SLC49A4: variants seen among roughly 807,000 people sequenced by gnomAD.
SLC49A4 encodes solute carrier family 49 member 4.
A neutral mutation model predicts 50.6 loss-of-function variants in SLC49A4; 36 were observed. The observed-to-expected ratio is 0.71, with a 90% confidence interval of 0.55 to 0.94. The LOEUF (loss-of-function observed/expected upper bound fraction) is 0.94, where lower values mean the gene tolerates loss of function less well. Ranked by LOEUF, SLC49A4 falls within the 40% of genes least tolerant of loss-of-function variation. SLC49A4 has a pLI of 0.00. For missense variants in SLC49A4, 503 were observed against 605.7 expected, an observed-to-expected ratio of 0.83 and a Z score of 1.78; for synonymous variants, 248 against 241.2, an observed-to-expected ratio of 1.03 and a Z score of -0.26.
At chr3:122,806,722 C>G in intron 1 of SLC49A4, 135 bp from the exon 2 acceptor site, 8 of 449,066 alleles carry the variant, frequency 1.8e-5, no homozygotes, top group East Asian at 4.7e-5. Flanking sequence ...TTTTTTTTTT[C>G]CATTTTTAAA....
chr3:122,864,081 A>C (rs1201053642), intron 7 of SLC49A4, among the ~76,000 whole-genome samples: 1 of 152,128 alleles, frequency 6.6e-6, no homozygotes, highest in South Asian at 2.1e-4. Flanking sequence ...TTCTATGGCA[A>C]TCTTTCTGTA....
At chr3:122,801,333 G>A (rs979374506) in intron 1 of SLC49A4, among the ~76,000 whole-genome samples, 1 of 152,206 alleles carries the variant, frequency 6.6e-6, no homozygotes, top group Non-Finnish European at 1.5e-5. Flanking sequence ...ATTATGGCCT[G>A]TAATCCCAGC....
intron 4 of SLC49A4, among the ~76,000 whole-genome samples, chr3:122,840,794 T>A (rs965193134): frequency 2.0e-5 from 3 of 152,194 alleles, no homozygotes; most frequent in Non-Finnish European, 4.4e-5. Flanking sequence ...TCTCTTGTAT[T>A]GCACTGTTTA....
intron 4 of SLC49A4, among the ~76,000 whole-genome samples, chr3:122,837,645 G>A (rs964624570): frequency 6.6e-6 from 1 of 152,158 alleles, no homozygotes; most frequent in Non-Finnish European, 1.5e-5. Context: ...CAGGACATAG[G>A]CATGGGCAAG....
In SLC49A4 at chr3:122,862,521, G is replaced by A. The variant is rs571392720; in HGVS notation, c.1138+2319G>A. On this transcript the variant is annotated intron_variant, in intron 7 of 8. Coordinates refer to ENST00000261038, the MANE Select transcript of SLC49A4 (RefSeq NM_032839.3). ...TGGCAAGTATTCTGAGCCAGAGCCA[G>A]AATTTTTTTAAAATTTTATTCTGGT... is the stretch of plus-strand genomic sequence containing the variant. Among the ~76,000 whole-genome samples the A allele has an allele frequency of 1.4e-4, 22 of 152,322 alleles. No individual in the cohort carries two copies. The South Asian group carries it at 4.6e-3, about 32-fold the overall frequency.
At chr3:122,873,303 C>T (rs1470083048) in intron 8 of SLC49A4, among the ~76,000 whole-genome samples, 3 of 152,140 alleles carry the variant, frequency 2.0e-5, no homozygotes, top group African/African-American at 7.2e-5. Flanking sequence ...CCTCAGCCTC[C>T]TGAGTAGCTG....
intron 6 of SLC49A4, among the ~76,000 whole-genome samples, chr3:122,857,633 GT>G (rs1937005666): frequency 6.6e-6 from 1 of 152,122 alleles, no homozygotes; most frequent in Non-Finnish European, 1.5e-5. Flanking sequence ...TATTTGAAGT[GT>G]TAGGAAAATA....
intron 4 of SLC49A4, among the ~76,000 whole-genome samples, chr3:122,839,962 A>G (rs892475944): frequency 6.6e-6 from 1 of 152,198 alleles, no homozygotes; most frequent in Non-Finnish European, 1.5e-5. Flanking sequence ...TACCAACACA[A>G]TTTGCAATTC....
At chr3:122,826,067 T>C (rs1205578469) in intron 2 of SLC49A4, among the ~76,000 whole-genome samples, 1 of 152,170 alleles carries the variant, frequency 6.6e-6, no homozygotes, top group Non-Finnish European at 1.5e-5. Flanking sequence ...ACCTAACAGA[T>C]GCTCCGTAAA....
intron 2 of SLC49A4, among the ~76,000 whole-genome samples, chr3:122,815,811 T>C (rs1246789321): frequency 6.6e-6 from 1 of 152,232 alleles, no homozygotes; most frequent in African/African-American, 2.4e-5. Flanking sequence ...TGACCACACC[T>C]GAAGTGGTTG....
At position 122,881,062 on chromosome 3, in the gene SLC49A4, G is replaced by C. The variant is rs1937333495; in HGVS notation, c.*1684G>C. 6.6e-6 allele frequency: 1 copy of C among 152,024 alleles called. No homozygotes were observed. The highest frequency in any genetic ancestry group is 1.5e-5 in the Non-Finnish European group (1 of 68,002). 9.4% of individuals were successfully genotyped at this position (152,024 alleles called of 1,614,324 possible). ...TGAAGGAACTAAGGAACTTGCTAAAGAGAAGAAGAAAACAAAAGCTAGACT... is the reference window on the plus strand; with the variant it reads ...TGAAGGAACTAAGGAACTTGCTAAACAGAAGAAGAAAACAAAAGCTAGACT... On this transcript the variant is annotated 3_prime_UTR_variant, in exon 9 of 9. Transcript: ENST00000261038.
At chr3:122,849,390 A>G (rs886566379) in intron 5 of SLC49A4, among the ~76,000 whole-genome samples, 4 of 152,120 alleles carry the variant, frequency 2.6e-5, no homozygotes, top group African/African-American at 9.7e-5. Context: ...TTCGTTTTCT[A>G]CGGAACCTCT....
Position 122,824,577 on chromosome 3 carries a change from C to CTCTT in SLC49A4, c.438-2212_438-2209dup, listed in dbSNP as rs769052746. ...TTCTCTTCTCTTCTCTTCTTTCTTT[C>CTCTT]TCTTTCTTTCTTTCCTGTCTTTCCT... is the stretch of plus-strand genomic sequence containing the variant. On this transcript the variant is annotated intron_variant, in intron 2 of 8. Transcript: ENST00000261038. Among the ~76,000 whole-genome samples the CTCTT allele has an allele frequency of 9.9e-5, 15 of 151,848 alleles. 1 individual carries two copies. In the East Asian group the frequency reaches 2.7e-3, roughly 27 times the overall value.
At chr3:122,806,981 T>G (rs539350643) in intron 2 of SLC49A4, 31 bp downstream of exon 2, 1 of 1,319,502 alleles carries the variant, frequency 7.6e-7, no homozygotes, top group South Asian at 1.2e-5. Flanking sequence ...TTCTCCCCCA[T>G]TTTTCATTTT....
At chr3:122,846,292 T>C (rs1476787317) in intron 5 of SLC49A4, among the ~76,000 whole-genome samples, 1 of 152,204 alleles carries the variant, frequency 6.6e-6, no homozygotes, top group Admixed American at 6.5e-5. Flanking sequence ...TTCACCTATA[T>C]GCTTGATGTC....
intron 3 of SLC49A4, among the ~76,000 whole-genome samples, chr3:122,828,892 T>G (rs1002885731): frequency 2.0e-5 from 3 of 152,206 alleles, no homozygotes; most frequent in Non-Finnish European, 4.4e-5. Flanking sequence ...TTTTACATGA[T>G]GTTAAGCACT....
At chr3:122,879,097 C>T (rs1217060640) in intron 8 of SLC49A4, among the ~76,000 whole-genome samples, 166 bp from the exon 9 acceptor site, 1 of 152,204 alleles carries the variant, frequency 6.6e-6, no homozygotes, top group Non-Finnish European at 1.5e-5. Flanking sequence ...ACACACATCA[C>T]TTAGTCTCCA....
At chr3:122,797,849 C>T (rs374432233) in intron 1 of SLC49A4, among the ~76,000 whole-genome samples, 7 of 152,052 alleles carry the variant, frequency 4.6e-5, no homozygotes, top group African/African-American at 1.7e-4. Context: ...GACATGTTGG[C>T]ATGCGCCTGT....
At chr3:122,868,790 A>G (rs375148413) in intron 7 of SLC49A4, among the ~76,000 whole-genome samples, 3 of 152,372 alleles carry the variant, frequency 2.0e-5, no homozygotes, top group East Asian at 3.9e-4. Flanking sequence ...CCTCTTGGTC[A>G]TCACTTTTAT....
Sources: gnomAD v4.1 joint callset for allele counts (sites outside exome capture counted in the v4.1 genomes callset) on GRCh38, gnomAD v4.1.1 for gene constraint, MANE v1.5 for transcripts, NCBI Gene and HGNC (gene_info 2026-07-23, HGNC 2026-07-21) for gene names.